Variants in CNNM1 observed in about 807,000 individuals in gnomAD.
The protein encoded by CNNM1 is cyclin and CBS domain divalent metal cation transport mediator 1.
In CNNM1, 44 loss-of-function variants were observed where a neutral mutation model predicts 78.8. The ratio of observed to expected loss-of-function variants is 0.56; its 90% CI spans 0.44 to 0.72. CNNM1 has a LOEUF of 0.72. Ranked by LOEUF, CNNM1 falls within the 30% of genes least tolerant of loss-of-function variation. The pLI, the probability that CNNM1 is intolerant of heterozygous loss-of-function variation, is 0.00. For synonymous variants in CNNM1, 584 were observed against 581.5 expected, an observed-to-expected ratio of 1.00 and a Z score of -0.06; for missense variants, 1,101 against 1,292.2, an observed-to-expected ratio of 0.85 and a Z score of 2.27.
At chr10:99,381,563 G>C (rs749914314) in intron 7 of CNNM1, among the ~76,000 whole-genome samples, 2 of 151,752 alleles carry the variant, frequency 1.3e-5, no homozygotes, top group Non-Finnish European at 2.9e-5. Flanking sequence ...CCAACATGGC[G>C]AAACCCCATC....
At chr10:99,333,590 C>G (rs1241327637) in intron 1 of CNNM1, among the ~76,000 whole-genome samples, 1 of 152,170 alleles carries the variant, frequency 6.6e-6, no homozygotes, top group Non-Finnish European at 1.5e-5. Flanking sequence ...GGTGATCCAC[C>G]TGCCTTGGCC....
intron 6 of CNNM1, 196 bp downstream of exon 6, chr10:99,365,198 T>A (rs926274298): frequency 1.0e-4 from 67 of 672,600 alleles, no homozygotes; most frequent in Admixed American, 7.4e-4. Context: ...TCTGTGTGTC[T>A]GGAATGTTTT....
At chr10:99,374,037 C>T (rs188988789) in intron 6 of CNNM1, among the ~76,000 whole-genome samples, 122 of 152,308 alleles carry the variant, frequency 8.0e-4, no homozygotes, top group Non-Finnish European at 1.4e-3. Flanking sequence ...GAAACATACA[C>T]GTACAGGTAT....
chr10:99,369,437 G>A (rs527906735), intron 6 of CNNM1, among the ~76,000 whole-genome samples: 67 of 152,214 alleles, frequency 4.4e-4, no homozygotes, highest in African/African-American at 1.5e-3. Flanking sequence ...CCCTTATCAC[G>A]TTGCTGGGGT....
chr10:99,384,115 A>T (rs1306394927), intron 7 of CNNM1, among the ~76,000 whole-genome samples: 1 of 152,184 alleles, frequency 6.6e-6, no homozygotes, highest in Non-Finnish European at 1.5e-5. Context: ...GAAAACTTTG[A>T]ATTACCGACG....
At chr10:99,376,633 G>C (rs1452553173) in intron 6 of CNNM1, among the ~76,000 whole-genome samples, 3 of 152,190 alleles carry the variant, frequency 2.0e-5, no homozygotes, top group Non-Finnish European at 4.4e-5. Flanking sequence ...GCATGGTCTA[G>C]GGTAGCAAGC....
intron 7 of CNNM1, among the ~76,000 whole-genome samples, chr10:99,377,631 A>G (rs1453008725): frequency 6.6e-6 from 1 of 152,210 alleles, no homozygotes; most frequent in African/African-American, 2.4e-5. Flanking sequence ...TGTAGAAGAA[A>G]CCATGCTATA....
chr10:99,356,600 GAA>G (rs144227322), intron 1 of CNNM1, among the ~76,000 whole-genome samples: 1 of 129,384 alleles, frequency 7.7e-6, no homozygotes, highest in African/African-American at 3.5e-5. Context: ...AAGAAAGAAA[GAA>G]AGAAAAGAAA....
chr10:99,343,457 T>C (rs552655041), intron 1 of CNNM1, among the ~76,000 whole-genome samples: 1 of 152,276 alleles, frequency 6.6e-6, no homozygotes, highest in African/African-American at 2.4e-5. Flanking sequence ...CCACCATAAA[T>C]GTGAGGTCAG....
rs780076032 is a variant in CNNM1 at position 99,356,600 on chromosome 10, G to GAAAGAAAGAAAGAAAGAAAGAAAGA, written c.1574-905_1574-904insGAAAGAAAGAAAGAAAGAAAAGAAA. 5.4e-5 allele frequency among the ~76,000 whole-genome samples: 7 copies of GAAAGAAAGAAAGAAAGAAAGAAAGA among 129,386 alleles called. No individual in the cohort carries two copies. The East Asian group carries it at 8.8e-4, about 16-fold the overall frequency. The allele number at this position is 129,386 out of a possible 152,430, so 84.9% of individuals were successfully genotyped here. On this transcript the variant is annotated intron_variant, in intron 1 of 10. Transcript: ENST00000356713. Reference sequence around the variant, plus strand: ...AGAAAGAAAGAAAGAAAGAAAGAAAGAAAGAAAAGAAAGAAAGAAAGAAAA... The same window carrying GAAAGAAAGAAAGAAAGAAAGAAAGA: ...AGAAAGAAAGAAAGAAAGAAAGAAAGAAAGAAAGAAAGAAAGAAAGAAAGAAAAGAAAAGAAAGAAAGAAAGAAAA...
chr10:99,345,690 AG>A (rs1475252804), intron 1 of CNNM1, among the ~76,000 whole-genome samples: 5 of 152,210 alleles, frequency 3.3e-5, no homozygotes, highest in African/African-American at 1.2e-4. Flanking sequence ...GCAGTCTCCA[AG>A]ACCAGTTCTG....
Position 99,330,218 on chromosome 10 carries a change from C to T in CNNM1, c.831C>T (p.Gly277=), listed in dbSNP as rs1022688337. The change falls in exon 1 of 11, where the codon GGC becomes GGT. Residue 277 remains glycine (G), a synonymous_variant. Transcript: ENST00000356713. ...CGCGCCGCGTGCAGGCCGTTCGCGG[C>T]AGGGGGACCCATCTGCTCTGCACCC... The part of the protein sequence containing the change: ...EQARRVQAVR[G]RGTHLLCTLL... The T allele has an allele frequency of 4.0e-6, 6 of 1,517,198 alleles. No individual in the cohort carries two copies. Among genetic ancestry groups the T allele is most frequent in the Non-Finnish European group, 5.3e-6 (6 of 1,136,382 alleles). The allele number at this position is 1,517,198 out of a possible 1,614,324, so 94.0% of individuals were successfully genotyped here. A position where few individuals can be genotyped will look rare whatever the true frequency, so the allele number is the denominator to read the frequency against.
At chr10:99,368,542 T>C in intron 6 of CNNM1, 2 of 945,638 alleles carry the variant, frequency 2.1e-6, no homozygotes, top group African/African-American at 3.4e-5. Flanking sequence ...TCACCCACTT[T>C]GTTCTTTGTC....
intron 2 of CNNM1, among the ~76,000 whole-genome samples, chr10:99,359,216 G>C (rs1589902192): frequency 6.6e-6 from 1 of 151,050 alleles, no homozygotes; most frequent in African/African-American, 2.4e-5. Context: ...TCCTAATAAT[G>C]CCATGTTAAG....
intron 7 of CNNM1, among the ~76,000 whole-genome samples, chr10:99,378,036 T>C (rs1286048047): frequency 1.3e-5 from 2 of 148,176 alleles, no homozygotes; most frequent in African/African-American, 5.0e-5. Context: ...TGATCTCGGC[T>C]CACTGCAACC....
chr10:99,366,487 A>G (rs1008312772), intron 6 of CNNM1, among the ~76,000 whole-genome samples: 4 of 152,032 alleles, frequency 2.6e-5, no homozygotes, highest in South Asian at 4.2e-4. Flanking sequence ...AAAAAAAAAA[A>G]AAAGAAATTG....
intron 7 of CNNM1, among the ~76,000 whole-genome samples, chr10:99,381,328 C>T (rs185114930): frequency 3.4e-4 from 50 of 149,212 alleles, no homozygotes; most frequent in African/African-American, 1.1e-3. Context: ...GCAGGAGAAT[C>T]GCTTCAACCC....
At chr10:99,390,143 C>A (rs554290737) in intron 9 of CNNM1, among the ~76,000 whole-genome samples, 163 bp from the exon 10 acceptor site, 1 of 152,158 alleles carries the variant, frequency 6.6e-6, no homozygotes, top group Non-Finnish European at 1.5e-5. Context: ...TAACTAATGA[C>A]ACCCTGTACT....
At chr10:99,386,196 T>C (rs1400194599) in intron 7 of CNNM1, among the ~76,000 whole-genome samples, 1 of 152,236 alleles carries the variant, frequency 6.6e-6, no homozygotes, top group African/African-American at 2.4e-5. Context: ...CTTTGTCCTG[T>C]AAAATCCTTT....
Sources: allele counts gnomAD v4.1 joint callset (sites outside exome capture counted in the v4.1 genomes callset), GRCh38; gene constraint gnomAD v4.1.1; transcripts MANE v1.5; gene names NCBI Gene and HGNC (gene_info 2026-07-23, HGNC 2026-07-21).